The following SLIT3 variants were observed in gnomAD, a reference collection of about 807,000 sequenced individuals.
SLIT3 encodes the protein slit homolog 3 protein.
A neutral mutation model predicts 184.0 loss-of-function variants in SLIT3; 68 were observed. The ratio of observed to expected loss-of-function variants is 0.37; its 90% confidence interval spans 0.30 to 0.45. The LOEUF (loss-of-function observed/expected upper bound fraction) is 0.45, where lower values mean the gene tolerates loss of function less well. Ranked by LOEUF, SLIT3 falls within the 20% of genes least tolerant of loss-of-function variation. The pLI is 1.00. For synonymous variants in SLIT3, 831 were observed against 828.6 expected (o/e 1.00, Z -0.05); for missense variants, 1,707 against 2,026.0 (o/e 0.84, Z 3.02).
intron 4 of SLIT3, among the ~76,000 whole-genome samples, chr5:168,966,153 A>G (rs554883319): frequency 3.9e-5 from 6 of 152,190 alleles, no homozygotes; most frequent in Non-Finnish European, 8.8e-5. Context: ...ATTAAACTCT[A>G]CAGTTATCTG....
intron 4 of SLIT3, among the ~76,000 whole-genome samples, chr5:169,071,508 T>C (rs1023009061): frequency 6.6e-6 from 1 of 152,194 alleles, no homozygotes; most frequent in African/African-American, 2.4e-5. Flanking sequence ...GAGCGATAAA[T>C]GACTATAGTG....
intron 4 of SLIT3, among the ~76,000 whole-genome samples, chr5:169,177,199 A>G (rs547335551): frequency 6.6e-6 from 1 of 152,168 alleles, no homozygotes; most frequent in Non-Finnish European, 1.5e-5. Flanking sequence ...TTAGTCTATC[A>G]CTGCAGCAAT....
chr5:168,871,627 C>T (rs1759523489), intron 5 of SLIT3, among the ~76,000 whole-genome samples: 1 of 152,034 alleles, frequency 6.6e-6, no homozygotes, highest in African/African-American at 2.4e-5. Context: ...ATTTCAGAGC[C>T]AGGAAACTAT....
intron 4 of SLIT3, among the ~76,000 whole-genome samples, chr5:169,145,121 C>T (rs1761883751): frequency 6.6e-6 from 1 of 152,142 alleles, no homozygotes; most frequent in Non-Finnish European, 1.5e-5. Context: ...TCATCAGAAG[C>T]CCGACTTTGG....
At chr5:168,861,193 G>C (rs916565578) in intron 5 of SLIT3, among the ~76,000 whole-genome samples, 8 of 152,116 alleles carry the variant, frequency 5.3e-5, no homozygotes, top group African/African-American at 1.7e-4. Flanking sequence ...TGCCATGTTG[G>C]TGTGCTGCAC....
chr5:168,910,470 G>T (rs936567248), intron 4 of SLIT3, among the ~76,000 whole-genome samples: 2 of 152,168 alleles, frequency 1.3e-5, no homozygotes, highest in Non-Finnish European at 2.9e-5. Flanking sequence ...GCCGCCGGGC[G>T]TGGTGGCTCA....
intron 3 of SLIT3, among the ~76,000 whole-genome samples, chr5:169,235,182 TCTCA>T (rs1464634545): frequency 9.2e-5 from 14 of 152,220 alleles, no homozygotes; most frequent in Admixed American, 2.0e-4. Flanking sequence ...TTTGCCTAAC[TCTCA>T]CTTTCTCTTA....
At chr5:169,081,087 C>A (rs1430417227) in intron 4 of SLIT3, among the ~76,000 whole-genome samples, 11 of 152,164 alleles carry the variant, frequency 7.2e-5, no homozygotes. Flanking sequence ...CCTGGGGGAA[C>A]AGGGAAGGAC....
intron 5 of SLIT3, among the ~76,000 whole-genome samples, chr5:168,853,814 A>G (rs1268375625): frequency 1.3e-5 from 2 of 152,184 alleles, no homozygotes; most frequent in African/African-American, 4.8e-5. Context: ...TACACCAAGT[A>G]CTTTCATGTT....
At chr5:169,119,974 C>A (rs1760821764) in intron 4 of SLIT3, 1 of 152,146 alleles carries the variant, frequency 6.6e-6, no homozygotes, top group African/African-American at 2.4e-5. Flanking sequence ...AGTAATAACC[C>A]TTTTCATCAT....
intron 3 of SLIT3, among the ~76,000 whole-genome samples, chr5:169,219,298 T>C (rs1270413086): frequency 6.6e-6 from 1 of 152,270 alleles, no homozygotes; most frequent in Non-Finnish European, 1.5e-5. Context: ...CTTCCTCGAA[T>C]GCATTCTGCC....
intron 4 of SLIT3, among the ~76,000 whole-genome samples, chr5:168,943,390 A>G (rs1762381473): frequency 6.6e-6 from 1 of 152,214 alleles, no homozygotes; most frequent in Admixed American, 6.5e-5. Flanking sequence ...ACTGATCTCA[A>G]CCAGCTGGTG....
At chr5:168,824,486 C>T (rs372825404) in intron 6 of SLIT3, among the ~76,000 whole-genome samples, 1 of 152,160 alleles carries the variant, frequency 6.6e-6, no homozygotes, top group Admixed American at 6.5e-5. Context: ...ATTATGGAAG[C>T]CTAGGGAAAG....
At chr5:169,136,264 G>A (rs1169212774) in intron 4 of SLIT3, among the ~76,000 whole-genome samples, 1 of 152,194 alleles carries the variant, frequency 6.6e-6, no homozygotes, top group Non-Finnish European at 1.5e-5. Context: ...TGAAACAGCA[G>A]TGGTGATTCT....
At chr5:168,956,242 C>A (rs562593218) in intron 4 of SLIT3, among the ~76,000 whole-genome samples, 3 of 152,260 alleles carry the variant, frequency 2.0e-5, no homozygotes, top group Admixed American at 6.5e-5. Context: ...GAACAAAAGT[C>A]ATCTTCAAAA....
At chr5:168,694,886 T>C (rs1043601241) in intron 28 of SLIT3, among the ~76,000 whole-genome samples, 3 of 152,250 alleles carry the variant, frequency 2.0e-5, no homozygotes, top group Non-Finnish European at 4.4e-5. Context: ...CTCAAAGTGC[T>C]GGGATTACAG....
At chr5:168,748,525 C>A in intron 19 of SLIT3, 91 bp from the exon 20 acceptor site, 2 of 1,281,988 alleles carry the variant, frequency 1.6e-6, no homozygotes, top group Non-Finnish European at 2.1e-6. Context: ...TCCACAAAGA[C>A]AAGTTGTCCC....
chr5:169,022,167 T>C (rs571736113), intron 4 of SLIT3: 1 of 152,328 alleles, frequency 6.6e-6, no homozygotes, highest in South Asian at 2.1e-4. Context: ...ATGATGGCAA[T>C]GAGCGGCATC....
At chr5:169,225,123 G>A (rs7722019) in intron 3 of SLIT3, among the ~76,000 whole-genome samples, 69,655 of 152,084 alleles carry the variant, frequency 0.46, 16,087 homozygotes, top group Middle Eastern at 0.49. Context: ...TTCAGCAAAT[G>A]TTTCCTAAGC....
Sources: allele counts gnomAD v4.1 joint callset (sites outside exome capture counted in the v4.1 genomes callset), GRCh38; gene constraint gnomAD v4.1.1; transcripts MANE v1.5; gene names NCBI Gene and HGNC (gene_info 2026-07-23, HGNC 2026-07-21).